The following ZNF804A variants were observed in gnomAD, a reference collection of about 807,000 sequenced individuals.
ZNF804A encodes zinc finger protein 804A.
In ZNF804A, 2 loss-of-function variants were observed where a neutral mutation model predicts 16.5. The ratio of observed to expected loss-of-function variants is 0.12; its 90% CI spans 0.05 to 0.38. The LOEUF (loss-of-function observed/expected upper bound fraction) is 0.38. Ranked by LOEUF, ZNF804A falls within the 10% of genes least tolerant of loss-of-function variation. The pLI is 0.99. For synonymous variants in ZNF804A, 534 were observed against 489.6 expected (o/e 1.09, Z -1.20); for missense variants, 1,473 against 1,390.7 (o/e 1.06, Z -0.94).
At chr2:184,702,559 G>A (rs886156430) in intron 1 of ZNF804A, among the ~76,000 whole-genome samples, 43 of 151,874 alleles carry the variant, frequency 2.8e-4, no homozygotes, top group African/African-American at 1.0e-3. Context: ...ATATCATCCT[G>A]ATAAAGAGTT....
intron 1 of ZNF804A, among the ~76,000 whole-genome samples, chr2:184,774,812 A>G (rs1694263080): frequency 6.6e-6 from 1 of 151,758 alleles, no homozygotes; most frequent in African/African-American, 2.4e-5. Context: ...ATGAAATCAA[A>G]GAGTGGGAAA....
chr2:184,618,466 A>G (rs1344494826), intron 1 of ZNF804A, among the ~76,000 whole-genome samples: 1 of 152,162 alleles, frequency 6.6e-6, no homozygotes, highest in Non-Finnish European at 1.5e-5. Context: ...AGATTATTTA[A>G]TAAAAGATAT....
At chr2:184,618,530 A>G (rs996407088) in intron 1 of ZNF804A, among the ~76,000 whole-genome samples, 3 of 152,102 alleles carry the variant, frequency 2.0e-5, no homozygotes, top group African/African-American at 7.2e-5. Flanking sequence ...TTAGGTCTCC[A>G]TATCCATAGG....
intron 1 of ZNF804A, among the ~76,000 whole-genome samples, chr2:184,673,748 G>T (rs148237725): frequency 1.9e-4 from 29 of 152,242 alleles, no homozygotes; most frequent in African/African-American, 6.3e-4. Context: ...AGAAAAACGG[G>T]CAAAGGGAAA....
At chr2:184,813,788 T>C (rs1223070066) in intron 1 of ZNF804A, among the ~76,000 whole-genome samples, 1 of 151,930 alleles carries the variant, frequency 6.6e-6, no homozygotes, top group East Asian at 1.9e-4. Context: ...ATGACAACCA[T>C]TCAAAATATA....
intron 1 of ZNF804A, among the ~76,000 whole-genome samples, chr2:184,653,436 T>C (rs917360041): frequency 1.3e-5 from 2 of 152,256 alleles, no homozygotes; most frequent in African/African-American, 2.4e-5. Flanking sequence ...AGAAAGTATT[T>C]TACTCAGGGA....
intron 2 of ZNF804A, among the ~76,000 whole-genome samples, chr2:184,897,918 C>T (rs538183695): frequency 2.6e-5 from 4 of 152,046 alleles, no homozygotes; most frequent in Non-Finnish European, 4.4e-5. Flanking sequence ...TTCCAGGAGC[C>T]CTGATGACTT....
chr2:184,634,456 GC>G (rs1691663184), intron 1 of ZNF804A, among the ~76,000 whole-genome samples: 1 of 152,096 alleles, frequency 6.6e-6, no homozygotes, highest in African/African-American at 2.4e-5. Flanking sequence ...ACCTGAGTGG[GC>G]CCAATGTAAT....
intron 1 of ZNF804A, among the ~76,000 whole-genome samples, chr2:184,829,928 A>AC (rs1695234620): frequency 1.1e-5 from 1 of 87,212 alleles, no homozygotes; most frequent in Non-Finnish European, 2.1e-5. Flanking sequence ...AAAAACAAAA[A>AC]CAAAAAAAAA....
At position 184,641,833 on chromosome 2, in the gene ZNF804A, A is replaced by T. The variant is rs182770907; in HGVS notation, c.111+42763A>T. On this transcript the variant is annotated intron_variant, in intron 1 of 3. Transcript: ENST00000302277. ...TTCAACACAGAGATAAGCTATTTAC[A>T]ATAGGTTTCTTGCCTTTGTTGACTA... Among the ~76,000 whole-genome samples the T allele has an allele frequency of 6.6e-5, 10 of 152,316 alleles. No individual in the cohort carries two copies. In the East Asian group the frequency reaches 1.9e-3, roughly 29 times the overall value.
At chr2:184,849,228 A>T (rs539366645) in intron 1 of ZNF804A, among the ~76,000 whole-genome samples, 1 of 151,972 alleles carries the variant, frequency 6.6e-6, no homozygotes, top group Non-Finnish European at 1.5e-5. Flanking sequence ...TTGGGTTGTT[A>T]ATTTATCAGT....
intron 1 of ZNF804A, among the ~76,000 whole-genome samples, chr2:184,656,350 C>CATG (rs1268153079): frequency 1.3e-5 from 2 of 151,996 alleles, no homozygotes; most frequent in Non-Finnish European, 2.9e-5. Flanking sequence ...TATTACAGTG[C>CATG]ATGGAAGAGT....
At chr2:184,688,949 C>T (rs1692687218) in intron 1 of ZNF804A, among the ~76,000 whole-genome samples, 2 of 152,010 alleles carry the variant, frequency 1.3e-5, no homozygotes, top group Admixed American at 6.6e-5. Context: ...ATCTTTTATA[C>T]CTAATAACCA....
At chr2:184,913,639 C>G (rs1053345043) in intron 2 of ZNF804A, among the ~76,000 whole-genome samples, 11 of 152,236 alleles carry the variant, frequency 7.2e-5, no homozygotes, top group Admixed American at 7.2e-4. Flanking sequence ...ATTCAGTGAT[C>G]ATTCAGTTCC....
intron 1 of ZNF804A, among the ~76,000 whole-genome samples, chr2:184,816,504 T>C (rs1219449819): frequency 6.6e-6 from 1 of 152,084 alleles, no homozygotes; most frequent in Non-Finnish European, 1.5e-5. Context: ...CAGGGATTTC[T>C]CCCTTTCTGG....
chr2:184,790,901 C>T (rs1488444057), intron 1 of ZNF804A, among the ~76,000 whole-genome samples: 2 of 152,192 alleles, frequency 1.3e-5, no homozygotes, highest in Non-Finnish European at 2.9e-5. Flanking sequence ...CTGCGCCCCG[C>T]CTCAAACCTT....
chr2:184,612,170 C>G (rs775240831), intron 1 of ZNF804A, among the ~76,000 whole-genome samples: 2 of 151,612 alleles, frequency 1.3e-5, no homozygotes, highest in Non-Finnish European at 2.9e-5. Context: ...GAAAGAATAC[C>G]AAAAATATGA....
intron 1 of ZNF804A, among the ~76,000 whole-genome samples, chr2:184,831,802 A>G (rs536692355): frequency 6.6e-6 from 1 of 152,050 alleles, no homozygotes; most frequent in East Asian, 1.9e-4. Context: ...TGGAAAGTGT[A>G]CACTCTTGGA....
chr2:184,619,009 C>T (rs1691376105), intron 1 of ZNF804A, among the ~76,000 whole-genome samples: 1 of 151,964 alleles, frequency 6.6e-6, no homozygotes, highest in Non-Finnish European at 1.5e-5. Flanking sequence ...GATGCGGATG[C>T]ATCTAAACTT....
Sources: allele counts gnomAD v4.1 joint callset (sites outside exome capture counted in the v4.1 genomes callset), GRCh38; gene constraint gnomAD v4.1.1; transcripts MANE v1.5; gene names NCBI Gene and HGNC (gene_info 2026-07-23, HGNC 2026-07-21).